SMCO2: variants seen among roughly 807,000 people sequenced by gnomAD.
SMCO2 encodes the protein single-pass membrane and coiled-coil domain-containing protein 2.
In SMCO2, 25 loss-of-function variants were observed where a neutral mutation model predicts 29.5. The ratio of observed to expected loss-of-function variants is 0.85; its 90% CI spans 0.62 to 1.18. SMCO2 has a LOEUF of 1.18. Ranked by LOEUF, SMCO2 falls within the 50% of genes most tolerant of loss-of-function variation. The probability of loss-of-function intolerance (pLI) is 0.00; values close to 1 mark genes in which losing one functional copy is unlikely to be tolerated. For missense variants in SMCO2, 348 were observed against 344.5 expected, an observed-to-expected ratio of 1.01 and a Z score of -0.08; for synonymous variants, 117 against 123.3, an observed-to-expected ratio of 0.95 and a Z score of 0.34.
At chr12:27,499,455 T>C (rs1943051850) in intron 7 of SMCO2, among the ~76,000 whole-genome samples, 1 of 150,554 alleles carries the variant, frequency 6.6e-6, no homozygotes, top group Non-Finnish European at 1.5e-5. Flanking sequence ...TGGTGACTGC[T>C]CCAGGGAATG....
At chr12:27,465,228 A>G (rs1283779131), upstream of SMCO2, among the ~76,000 whole-genome samples, 2 of 152,248 alleles carry the variant, frequency 1.3e-5, no homozygotes, top group African/African-American at 4.8e-5. Context: ...AGGTGGTAAG[A>G]ATTAAATTAG....
chr12:27,495,535 C>T lies in SMCO2; in HGVS notation c.508-145C>T, dbSNP rs1047972910. On this transcript the variant is annotated intron_variant, in intron 6 of 7. Transcript: ENST00000298876. ...TCTGCTTCTATTCAAGATGCACCTG[C>T]CAATGATCTGTTCATGGGACCTATG... 1.9e-4 allele frequency: 116 copies of T among 622,348 alleles called. 11 individuals are homozygous for T. In the African/African-American group the frequency reaches 2.1e-3, roughly 11 times the overall value. 38.6% of individuals were successfully genotyped at this position (622,348 alleles called of 1,614,324 possible). A position where few individuals can be genotyped will look rare whatever the true frequency, so the allele number is the denominator to read the frequency against.
chr12:27,426,622 A>G, the SMCO2 span, among the ~76,000 whole-genome samples: 1 of 152,224 alleles, frequency 6.6e-6, no homozygotes, highest in African/African-American at 2.4e-5. Context: ...GCTCTACAGT[A>G]TGATAATAAA....
At chr12:27,496,513 T>C (rs113532648) in intron 7 of SMCO2, among the ~76,000 whole-genome samples, 4 of 150,686 alleles carry the variant, frequency 2.7e-5, no homozygotes, top group Admixed American at 6.6e-5. Flanking sequence ...AAAAGTTTTG[T>C]TTGCTGTGCA....
chr12:27,455,000 T>C, the SMCO2 span, among the ~76,000 whole-genome samples: 1 of 152,216 alleles, frequency 6.6e-6, no homozygotes, highest in East Asian at 1.9e-4. Context: ...AATCAATTCC[T>C]ATCGTTGAAC....
At chr12:27,442,160 A>G in the SMCO2 span, among the ~76,000 whole-genome samples, 1 of 152,218 alleles carries the variant, frequency 6.6e-6, no homozygotes, top group South Asian at 2.1e-4. Flanking sequence ...TTAGACAAGC[A>G]TGAACAAGCC....
At chr12:27,427,856 T>C in the SMCO2 span, among the ~76,000 whole-genome samples, 2 of 152,176 alleles carry the variant, frequency 1.3e-5, no homozygotes, top group African/African-American at 4.8e-5. Flanking sequence ...TGGAGTTTTA[T>C]TGTTACTCAA....
the SMCO2 span, among the ~76,000 whole-genome samples, chr12:27,454,431 A>C: frequency 2.6e-5 from 4 of 152,268 alleles, no homozygotes; most frequent in East Asian, 5.8e-4. Context: ...CTCTGCATCC[A>C]ATTATTTATA....
the SMCO2 span, among the ~76,000 whole-genome samples, chr12:27,443,179 A>G: frequency 6.6e-6 from 1 of 152,374 alleles, no homozygotes; most frequent in Non-Finnish European, 1.5e-5. Flanking sequence ...ATCAAGTGGG[A>G]TTCATCCCAG....
upstream of SMCO2, among the ~76,000 whole-genome samples, chr12:27,464,628 G>T (rs921792078): frequency 4.8e-5 from 7 of 146,906 alleles, no homozygotes; most frequent in African/African-American, 1.8e-4. Context: ...GAGGTGGGAA[G>T]ATGGCTTGAG....
chr12:27,462,706 A>G (rs1192041248), upstream of SMCO2, among the ~76,000 whole-genome samples: 1 of 152,236 alleles, frequency 6.6e-6, no homozygotes. Context: ...TTCAAACCAG[A>G]GTAGCCTACT....
chr12:27,424,642 C>T, the SMCO2 span: 1 of 152,180 alleles, frequency 6.6e-6, no homozygotes, highest in African/African-American at 2.4e-5. Context: ...TTAGTAGTGT[C>T]CAGTTTCAGA....
the SMCO2 span, chr12:27,424,609 A>G: frequency 6.6e-6 from 1 of 152,218 alleles, no homozygotes; most frequent in South Asian, 2.1e-4. Flanking sequence ...AGAAATAGCC[A>G]ATATTTAGTT....
the SMCO2 span, among the ~76,000 whole-genome samples, chr12:27,433,763 G>A: frequency 1.3e-5 from 2 of 152,208 alleles, no homozygotes; most frequent in Non-Finnish European, 2.9e-5. Flanking sequence ...CCTAGAGGCC[G>A]TTCTTCCTTT....
intron 1 of SMCO2, among the ~76,000 whole-genome samples, chr12:27,469,546 C>T (rs1259751120): frequency 6.6e-6 from 1 of 152,174 alleles, no homozygotes; most frequent in Admixed American, 6.5e-5. Flanking sequence ...AATGCCTTCT[C>T]TTCCCATGAG....
chr12:27,450,573 G>A, the SMCO2 span, among the ~76,000 whole-genome samples: 1 of 152,200 alleles, frequency 6.6e-6, no homozygotes, highest in African/African-American at 2.4e-5. Context: ...CTTCAGGACT[G>A]GTAAATCAGC....
intron 4 of SMCO2, among the ~76,000 whole-genome samples, chr12:27,475,361 T>C (rs908251780): frequency 1.3e-5 from 2 of 152,194 alleles, no homozygotes; most frequent in African/African-American, 4.8e-5. Flanking sequence ...TTATTAAACA[T>C]AAAATATGCT....
the SMCO2 span, among the ~76,000 whole-genome samples, chr12:27,451,591 C>T: frequency 6.6e-6 from 1 of 152,222 alleles, no homozygotes; most frequent in African/African-American, 2.4e-5. Context: ...CACCTCACAG[C>T]CTTCCTGAGC....
At chr12:27,450,837 T>G in the SMCO2 span, among the ~76,000 whole-genome samples, 59 of 152,374 alleles carry the variant, frequency 3.9e-4, no homozygotes, top group African/African-American at 1.4e-3. Context: ...TCTTGGTCTT[T>G]TTGTATGATT....
Sources: gnomAD v4.1 joint callset for allele counts (sites outside exome capture counted in the v4.1 genomes callset) on GRCh38, gnomAD v4.1.1 for gene constraint, MANE v1.5 for transcripts, NCBI Gene and HGNC (gene_info 2026-07-23, HGNC 2026-07-21) for gene names.